The following TJP1 variants were observed in gnomAD, a reference collection of about 807,000 sequenced individuals.
TJP1 encodes the protein tight junction protein ZO-1.
TJP1 carries 43 observed loss-of-function variants against 194.2 expected under a neutral mutation model. That is an observed-to-expected ratio of 0.22 (90% CI 0.17 to 0.29). TJP1 has a LOEUF of 0.29. Among genes scored for constraint, TJP1 ranks in the 10% least tolerant of loss-of-function variants. TJP1 has a pLI of 1.00. For synonymous variants in TJP1, 801 were observed against 779.0 expected (o/e 1.03, Z -0.47); for missense variants, 1,971 against 2,185.7 (o/e 0.90, Z 1.96).
At chr15:29,967,380 ACC>A (rs2056370471) in intron 1 of TJP1, among the ~76,000 whole-genome samples, 1 of 151,408 alleles carries the variant, frequency 6.6e-6, no homozygotes, top group African/African-American at 2.4e-5. Context: ...AAAAAAAAAA[ACC>A]AAACTGGTGG....
At chr15:29,853,535 T>C (rs1439124738) in intron 2 of TJP1, among the ~76,000 whole-genome samples, 1 of 152,204 alleles carries the variant, frequency 6.6e-6, no homozygotes, top group Non-Finnish European at 1.5e-5. Context: ...ACAATTCTCA[T>C]AACTGCATGT....
intron 1 of TJP1, among the ~76,000 whole-genome samples, chr15:29,961,614 C>T (rs139177235): frequency 1.6e-3 from 238 of 152,256 alleles, no homozygotes; most frequent in African/African-American, 5.4e-3. Context: ...ATGCATCAAA[C>T]GCTGAAGTCC....
At chr15:29,725,975 CTGAAT>C (rs1036017506) in intron 18 of TJP1, among the ~76,000 whole-genome samples, 2 of 152,140 alleles carry the variant, frequency 1.3e-5, no homozygotes, top group African/African-American at 4.8e-5. Flanking sequence ...AGAGCAAGTC[CTGAAT>C]TGAGCATGCT....
chr15:29,722,163 CG>C (rs1482231624), intron 18 of TJP1, among the ~76,000 whole-genome samples: 3 of 152,200 alleles, frequency 2.0e-5, no homozygotes, highest in Non-Finnish European at 4.4e-5. Flanking sequence ...TGTTAAGTAA[CG>C]AGGGACAGAA....
At chr15:29,902,902 C>T (rs1464214996) in intron 2 of TJP1, among the ~76,000 whole-genome samples, 4 of 152,192 alleles carry the variant, frequency 2.6e-5, no homozygotes, top group South Asian at 2.1e-4. Context: ...GGCGTGGCGG[C>T]GGGCGCCTGT....
In TJP1 at chr15:29,842,596, CCA is replaced by C. The variant is rs540498117; in HGVS notation, c.307-41896_307-41895del. ...GAGACATGGGGAGACCATGCAAACT[CCA>C]CACAGACAGTGGCCCCGCGCCAGGA... On this transcript the variant is annotated intron_variant, in intron 2 of 28. Transcript: ENST00000356107. 2.0e-4 allele frequency among the ~76,000 whole-genome samples: 30 copies of C among 152,258 alleles called. 1 individual carries two copies. Among genetic ancestry groups the C allele is most frequent in the African/African-American group, 7.2e-4 (30 of 41,564 alleles).
At chr15:29,799,244 AT>A (rs1289820451) in intron 2 of TJP1, among the ~76,000 whole-genome samples, 1 of 152,180 alleles carries the variant, frequency 6.6e-6, no homozygotes, top group African/African-American at 2.4e-5. Flanking sequence ...AAGTTATTTT[AT>A]ATGTTTAATC....
At chr15:29,954,781 TA>T (rs1038162174) in intron 2 of TJP1, among the ~76,000 whole-genome samples, 16 of 151,880 alleles carry the variant, frequency 1.1e-4, no homozygotes, top group South Asian at 4.2e-4. Context: ...AAAATAAATG[TA>T]AAAAAAATAG....
At position 29,701,750 on chromosome 15, in the gene TJP1, T is replaced by C; in HGVS notation, c.5213-61A>G. 4 of 1,267,882 alleles carry C rather than the reference T, an allele frequency of 3.2e-6. No homozygotes were observed. In the South Asian group the frequency reaches 3.7e-5, roughly 12 times the overall value. The allele number at this position is 1,267,882 out of a possible 1,614,324, so 78.5% of individuals were successfully genotyped here. A position where few individuals can be genotyped will look rare whatever the true frequency, so the allele number is the denominator to read the frequency against. On this transcript the variant is annotated intron_variant, in intron 27 of 27. Coordinates refer to ENST00000614355, the MANE Select transcript of TJP1 (RefSeq NM_001330239.4). ...CAGTAAACTGCTATCCGTAATGCTT[T>C]GCAATTATAGGGCAAATACGTATAT...
chr15:29,823,356 A>T (rs2152027508), upstream of TJP1: 1 of 152,328 alleles, frequency 6.6e-6, no homozygotes. Context: ...TTTGCTAAAC[A>T]CCAAGGAACA....
chr15:29,787,760 GATCT>G (rs1458296097), intron 2 of TJP1, among the ~76,000 whole-genome samples: 1 of 152,072 alleles, frequency 6.6e-6, no homozygotes, highest in Non-Finnish European at 1.5e-5. Context: ...AATATAGCCA[GATCT>G]ATTATGAATA....
At chr15:29,719,725 G>A (rs2042810602) in intron 20 of TJP1, 52 bp downstream of exon 20, 3 of 1,578,954 alleles carry the variant, frequency 1.9e-6, no homozygotes, top group Non-Finnish European at 2.6e-6. Context: ...AAATGATCAT[G>A]TGCCAGATTG....
intron 1 of TJP1, among the ~76,000 whole-genome samples, chr15:29,804,014 A>G (rs892796409): frequency 6.6e-6 from 1 of 151,806 alleles, no homozygotes; most frequent in African/African-American, 2.4e-5. Context: ...ACTATGTTTT[A>G]CCACTCCTTA....
At chr15:29,787,302 A>C (rs1357833831) in intron 2 of TJP1, among the ~76,000 whole-genome samples, 2 of 152,298 alleles carry the variant, frequency 1.3e-5, no homozygotes, top group Non-Finnish European at 2.9e-5. Context: ...TTAAGTTTAA[A>C]GAACCATAGG....
At chr15:29,816,271 T>A (rs1366671311) in intron 1 of TJP1, among the ~76,000 whole-genome samples, 3 of 152,056 alleles carry the variant, frequency 2.0e-5, no homozygotes, top group Non-Finnish European at 4.4e-5. Context: ...TCAGGTGATA[T>A]GCCCGCCTCA....
At chr15:29,888,225 T>C (rs149734084) in intron 2 of TJP1, among the ~76,000 whole-genome samples, 304 of 151,560 alleles carry the variant, frequency 2.0e-3, no homozygotes, top group African/African-American at 7.1e-3. Flanking sequence ...AGTATTAAAA[T>C]ATTTATTTAA....
intron 18 of TJP1, among the ~76,000 whole-genome samples, 192 bp downstream of exon 18, chr15:29,726,187 T>C (rs1226605460): frequency 6.6e-6 from 1 of 152,104 alleles, no homozygotes; most frequent in Non-Finnish European, 1.5e-5. Context: ...GGTGAGAAAA[T>C]TTAAGAATTC....
intron 2 of TJP1, among the ~76,000 whole-genome samples, chr15:29,912,916 T>C (rs2054067807): frequency 6.6e-6 from 1 of 152,114 alleles, no homozygotes; most frequent in Non-Finnish European, 1.5e-5. Flanking sequence ...CGGTTTAACT[T>C]AGTAGATGCG....
At chr15:29,781,854 A>G (rs2047386079) in intron 2 of TJP1, among the ~76,000 whole-genome samples, 1 of 152,238 alleles carries the variant, frequency 6.6e-6, no homozygotes, top group Non-Finnish European at 1.5e-5. Context: ...ACAAACCTAC[A>G]GCCAACATCA....
Sources: allele counts gnomAD v4.1 joint callset (sites outside exome capture counted in the v4.1 genomes callset), GRCh38; gene constraint gnomAD v4.1.1; transcripts MANE v1.5; gene names NCBI Gene and HGNC (gene_info 2026-07-23, HGNC 2026-07-21).